Variants in COL25A1 observed in about 807,000 individuals in gnomAD.
COL25A1 encodes the protein collagen alpha-1(XXV) chain.
In COL25A1, 103 loss-of-function variants were observed where a neutral mutation model predicts 128.4. That is an observed-to-expected ratio of 0.80 (90% CI 0.68 to 0.94). The LOEUF (loss-of-function observed/expected upper bound fraction) is 0.94. COL25A1 is among the 40% of genes least tolerant of loss of function. COL25A1 has a pLI of 0.00. For missense variants in COL25A1, 745 were observed against 840.0 expected (o/e 0.89, Z 1.40); for synonymous variants, 279 against 277.2 (o/e 1.01, Z -0.06).
chr4:109,298,726 T>C (rs1291492340), intron 3 of COL25A1, among the ~76,000 whole-genome samples: 3 of 152,238 alleles, frequency 2.0e-5, no homozygotes, highest in Non-Finnish European at 2.9e-5. Flanking sequence ...ATTTCCATAA[T>C]AGCAGTTTGT....
At chr4:109,277,265 C>A (rs1272691010) in intron 3 of COL25A1, among the ~76,000 whole-genome samples, 1 of 152,120 alleles carries the variant, frequency 6.6e-6, no homozygotes, top group Non-Finnish European at 1.5e-5. Flanking sequence ...AACTCTGTTT[C>A]CTCAATGACC....
intron 3 of COL25A1, among the ~76,000 whole-genome samples, chr4:109,215,743 T>C (rs1277384596): frequency 6.6e-6 from 1 of 152,112 alleles, no homozygotes; most frequent in Non-Finnish European, 1.5e-5. Flanking sequence ...CTTTTCTTGC[T>C]CACCATTGCA....
intron 10 of COL25A1, among the ~76,000 whole-genome samples, chr4:108,939,803 C>T (rs193122810): frequency 5.9e-5 from 9 of 152,190 alleles, no homozygotes; most frequent in Middle Eastern, 3.4e-3. Context: ...CCATATATTT[C>T]TTTTAATTGC....
At chr4:108,814,726 T>C (rs1359034813) in intron 37 of COL25A1, among the ~76,000 whole-genome samples, 1 of 152,212 alleles carries the variant, frequency 6.6e-6, no homozygotes, top group Non-Finnish European at 1.5e-5. Flanking sequence ...ATCACCCTTT[T>C]GAACGCTGCT....
intron 3 of COL25A1, among the ~76,000 whole-genome samples, chr4:109,265,201 C>T (rs557386437): frequency 2.0e-5 from 3 of 152,104 alleles, no homozygotes; most frequent in African/African-American, 4.8e-5. Context: ...CAGGGCAAAC[C>T]GTGAGCTATA....
chr4:108,993,615 T>C (rs1754441262), intron 6 of COL25A1, among the ~76,000 whole-genome samples: 1 of 152,118 alleles, frequency 6.6e-6, no homozygotes, highest in Non-Finnish European at 1.5e-5. Context: ...ATCCCAGCAC[T>C]TTGGGAGGCT....
intron 11 of COL25A1, among the ~76,000 whole-genome samples, chr4:108,928,223 T>TAG (rs1397915687): frequency 2.6e-5 from 4 of 152,234 alleles, no homozygotes; most frequent in Non-Finnish European, 5.9e-5. Context: ...GCTTTTCCTA[T>TAG]TTTAAATCAA....
At chr4:109,089,721 T>G (rs1764728872) in intron 3 of COL25A1, among the ~76,000 whole-genome samples, 1 of 152,144 alleles carries the variant, frequency 6.6e-6, no homozygotes, top group Admixed American at 6.6e-5. Flanking sequence ...TTCTCCCAGT[T>G]AAGCCTCCCA....
chr4:109,151,518 TA>T (rs1280211421), intron 3 of COL25A1, among the ~76,000 whole-genome samples: 1 of 152,014 alleles, frequency 6.6e-6, no homozygotes. Flanking sequence ...ACCTTATTTT[TA>T]AAAAAAATTC....
chr4:109,294,452 T>C (rs2126287939), intron 3 of COL25A1, among the ~76,000 whole-genome samples: 1 of 152,224 alleles, frequency 6.6e-6, no homozygotes, highest in South Asian at 2.1e-4. Flanking sequence ...TCTGAATAAA[T>C]CCCAAATGAA....
intron 3 of COL25A1, among the ~76,000 whole-genome samples, chr4:109,271,226 T>C (rs1447509382): frequency 2.6e-5 from 4 of 152,194 alleles, no homozygotes; most frequent in Admixed American, 2.6e-4. Context: ...TTCCTAGTAA[T>C]GTAGAAAAGC....
rs982499392 is a variant in COL25A1 at position 108,905,179 on chromosome 4, G to A, written c.781-4007C>T. Among the ~76,000 whole-genome samples, 9 of 152,096 alleles carry A rather than the reference G, an allele frequency of 5.9e-5. No individual in the cohort carries two copies. The South Asian group carries it at 1.9e-3, about 32-fold the overall frequency. The stretch of plus-strand genomic sequence containing the variant: ...CCTATACGTTATACCTGGAAAATGA[G>A]CAGATTCTAAACCTGTGTTGTCCAA... On this transcript the variant is annotated intron_variant, in intron 13 of 37. Transcript: ENST00000399132.
intron 3 of COL25A1, among the ~76,000 whole-genome samples, chr4:109,173,629 C>G (rs1773799077): frequency 1.3e-5 from 2 of 151,802 alleles, no homozygotes; most frequent in South Asian, 4.2e-4. Flanking sequence ...GGCAATAATA[C>G]TAGTGTAAAA....
At chr4:108,901,821 A>G (rs1742885373) in intron 13 of COL25A1, among the ~76,000 whole-genome samples, 1 of 152,038 alleles carries the variant, frequency 6.6e-6, no homozygotes, top group South Asian at 2.1e-4. Context: ...AAAATTTCCT[A>G]TTTCAGAAAG....
At chr4:109,005,125 G>A (rs761826311) in intron 6 of COL25A1, among the ~76,000 whole-genome samples, 1 of 152,146 alleles carries the variant, frequency 6.6e-6, no homozygotes, top group African/African-American at 2.4e-5. Context: ...AGCAACTTCT[G>A]CTTCTGGGGG....
chr4:109,015,880 T>G (rs1295105311), intron 5 of COL25A1, among the ~76,000 whole-genome samples: 4 of 152,320 alleles, frequency 2.6e-5, no homozygotes, highest in Middle Eastern at 6.8e-3. Context: ...GTTGGACTGT[T>G]GTTGATGGCA....
chr4:109,237,730 T>C (rs1779569224), intron 3 of COL25A1, among the ~76,000 whole-genome samples: 2 of 151,886 alleles, frequency 1.3e-5, no homozygotes, highest in Non-Finnish European at 2.9e-5. Flanking sequence ...ACATTAAGTA[T>C]ACTCATATTG....
At chr4:109,134,845 T>C (rs1769558067) in intron 3 of COL25A1, among the ~76,000 whole-genome samples, 1 of 152,044 alleles carries the variant, frequency 6.6e-6, no homozygotes, top group African/African-American at 2.4e-5. Flanking sequence ...AATTCTGAGC[T>C]AGAGATTTGA....
chr4:109,181,554 C>T (rs572106370), intron 3 of COL25A1, among the ~76,000 whole-genome samples: 6 of 151,716 alleles, frequency 4.0e-5, no homozygotes, highest in South Asian at 2.1e-4. Context: ...AACAATATAC[C>T]GTATTAGTTT....
Sources: gnomAD v4.1 joint callset for allele counts (sites outside exome capture counted in the v4.1 genomes callset) on GRCh38, gnomAD v4.1.1 for gene constraint, MANE v1.5 for transcripts, NCBI Gene and HGNC (gene_info 2026-07-23, HGNC 2026-07-21) for gene names.